Variants in CACNA1A observed in about 807,000 individuals in gnomAD.
CACNA1A encodes voltage-dependent P/Q-type calcium channel subunit alpha-1A.
CACNA1A carries 57 observed loss-of-function variants against 262.4 expected under a neutral mutation model. The ratio of observed to expected loss-of-function variants is 0.22; its 90% CI spans 0.18 to 0.27. The LOEUF (loss-of-function observed/expected upper bound fraction) is 0.27, where lower values mean the gene tolerates loss of function less well. CACNA1A is among the 10% of genes least tolerant of loss of function. The pLI, the probability that CACNA1A is intolerant of heterozygous loss-of-function variation, is 1.00. For missense variants in CACNA1A, 2,526 were observed against 3,562.8 expected (o/e 0.71, Z 7.41); for synonymous variants, 1,431 against 1,419.3 (o/e 1.01, Z -0.18).
At chr19:13,237,806 G>T (rs1468291081) in intron 31 of CACNA1A, among the ~76,000 whole-genome samples, 1 of 152,178 alleles carries the variant, frequency 6.6e-6, no homozygotes, top group South Asian at 2.1e-4. Context: ...GCTCCACCTG[G>T]GGATGGGGCC....
At chr19:13,341,135 G>A (rs753414053) in intron 6 of CACNA1A, among the ~76,000 whole-genome samples, 1 of 152,216 alleles carries the variant, frequency 6.6e-6, no homozygotes, top group African/African-American at 2.4e-5. Flanking sequence ...TGGGCACAGA[G>A]ACAACCTTGC....
chr19:13,261,790 A>C, intron 25 of CACNA1A, 180 bp from the exon 26 acceptor site: 1 of 590,190 alleles, frequency 1.7e-6, no homozygotes, highest in Non-Finnish European at 3.0e-6. Flanking sequence ...GAGGAGTTGG[A>C]CTCAATCCTG....
intron 1 of CACNA1A, among the ~76,000 whole-genome samples, chr19:13,481,433 G>A (rs1052424793): frequency 6.6e-5 from 10 of 151,920 alleles, no homozygotes; most frequent in Admixed American, 3.3e-4. Context: ...TTGCTCTTCC[G>A]TTCTCCATGG....
In CACNA1A at chr19:13,207,187, G is replaced by C; in HGVS notation, c.*126C>G. 1 of 1,054,766 alleles carries C rather than the reference G, an allele frequency of 9.5e-7. No individual in the cohort carries two copies. The highest frequency in any genetic ancestry group is 1.3e-6 in the Non-Finnish European group (1 of 781,148). 65.3% of individuals were successfully genotyped at this position (1,054,766 alleles called of 1,614,324 possible). ...CCCAGCCCTGGCCTCTCCAGAGTCT[G>C]GGGTCTCCCGGCTGGCCCTCTCCCG... On this transcript the variant is annotated 3_prime_UTR_variant, in exon 47 of 47. Coordinates refer to ENST00000360228, the MANE Select transcript of CACNA1A (RefSeq NM_001127222.2). The surrounding 1 kb of genome is among the most constrained non-coding windows in gnomAD (Gnocchi z 5.7).
intron 4 of CACNA1A, among the ~76,000 whole-genome samples, chr19:13,367,060 C>G (rs934262289): frequency 6.6e-6 from 1 of 152,006 alleles, no homozygotes; most frequent in Non-Finnish European, 1.5e-5. Context: ...TTTGGGAAGC[C>G]GAGGCCAGCG....
At chr19:13,490,462 G>T (rs1980624260) in intron 1 of CACNA1A, among the ~76,000 whole-genome samples, 1 of 152,108 alleles carries the variant, frequency 6.6e-6, no homozygotes, top group Non-Finnish European at 1.5e-5. Flanking sequence ...AATTAGCTGG[G>T]TGTGGTGGCG....
intron 38 of CACNA1A, among the ~76,000 whole-genome samples, chr19:13,221,234 C>CTTTCTTTTTCT (rs1555734435): frequency 5.5e-5 from 2 of 36,294 alleles, no homozygotes; most frequent in African/African-American, 3.0e-4. Flanking sequence ...TTCTTTCTTT[C>CTTTCTTTTTCT]TTTTTTTTTT....
At chr19:13,246,960 G>C (rs1468871305) in intron 30 of CACNA1A, among the ~76,000 whole-genome samples, 1 of 152,150 alleles carries the variant, frequency 6.6e-6, no homozygotes, top group Non-Finnish European at 1.5e-5. Flanking sequence ...ACTCCACATT[G>C]TTTGGAGAAC....
chr19:13,252,877 C>G, intron 30 of CACNA1A, 114 bp downstream of exon 30: 4 of 633,200 alleles, frequency 6.3e-6, no homozygotes. Context: ...GATACTGAAG[C>G]CACCCTTGAG....
chr19:13,330,151 C>T, intron 10 of CACNA1A, 93 bp downstream of exon 10: 1 of 828,588 alleles, frequency 1.2e-6, no homozygotes, highest in Non-Finnish European at 2.0e-6. Context: ...CAAATCCAGG[C>T]AGCACGGTTT....
At chr19:13,497,160 T>A (rs866243047) in intron 1 of CACNA1A, among the ~76,000 whole-genome samples, 9 of 151,964 alleles carry the variant, frequency 5.9e-5, no homozygotes, top group African/African-American at 2.2e-4. Flanking sequence ...AGCTAACCGG[T>A]TGACCCAGCC....
chr19:13,472,887 A>G (rs1568681904), intron 1 of CACNA1A, among the ~76,000 whole-genome samples: 1 of 152,188 alleles, frequency 6.6e-6, no homozygotes. Flanking sequence ...GTATAATTAA[A>G]TTAGAGATCT....
intron 34 of CACNA1A, among the ~76,000 whole-genome samples, chr19:13,232,917 C>T (rs754441689): frequency 4.0e-5 from 6 of 151,312 alleles, no homozygotes; most frequent in African/African-American, 7.3e-5. Context: ...GGCGTGGTGA[C>T]GGGCACCTAT....
Position 13,212,784 on chromosome 19 carries a change from G to T in CACNA1A, c.5941-44C>A. 3.1e-6 allele frequency: 3 copies of T among 963,064 alleles called. No homozygotes were observed. The highest frequency in any genetic ancestry group is 4.6e-6 in the Non-Finnish European group (3 of 657,084). 59.7% of individuals were successfully genotyped at this position (963,064 alleles called of 1,614,324 possible). A position where few individuals can be genotyped will look rare whatever the true frequency, so the allele number is the denominator to read the frequency against. On this transcript the variant is annotated intron_variant, in intron 40 of 46. Transcript: ENST00000360228. This position sits in a 1 kb window ranked among gnomAD's most constrained non-coding sequence, Gnocchi z 5.6. ...AGCAGTGTGTGGACAAGGGTGGGGT[G>T]GTGGGACGGTGGTACCCAGAAGGCA... is the stretch of plus-strand genomic sequence containing the variant.
chr19:13,491,907 G>A (rs116856586), intron 1 of CACNA1A, among the ~76,000 whole-genome samples: 1,989 of 152,224 alleles, frequency 0.013, 15 homozygotes, highest in Middle Eastern at 0.031. Context: ...GCACTGGGGA[G>A]GGAGGAGGCC....
At chr19:13,505,524 C>T (rs1982915887) in intron 1 of CACNA1A, among the ~76,000 whole-genome samples, 1 of 152,166 alleles carries the variant, frequency 6.6e-6, no homozygotes, top group Non-Finnish European at 1.5e-5. Flanking sequence ...CCAAGGCCCC[C>T]ATAGTTCCCC....
chr19:13,231,647 C>T, intron 35 of CACNA1A, 63 bp downstream of exon 35: 1 of 1,523,304 alleles, frequency 6.6e-7, no homozygotes, highest in Non-Finnish European at 8.9e-7. Context: ...CAGAAACCCA[C>T]TCCCCTGAAA....
intron 1 of CACNA1A, among the ~76,000 whole-genome samples, chr19:13,498,156 C>A (rs573931183): frequency 3.3e-5 from 5 of 151,894 alleles, no homozygotes; most frequent in Non-Finnish European, 7.4e-5. Context: ...TAATAAAGAT[C>A]ATGGAGATAA....
At chr19:13,481,616 A>G (rs776735666) in intron 1 of CACNA1A, among the ~76,000 whole-genome samples, 1 of 152,158 alleles carries the variant, frequency 6.6e-6, no homozygotes, top group African/African-American at 2.4e-5. Context: ...CGGCCAGTAC[A>G]GCTGGACCAG....
Sources: gnomAD v4.1 joint callset for allele counts (sites outside exome capture counted in the v4.1 genomes callset) on GRCh38, gnomAD v4.1.1 for gene constraint, Gnocchi (gnomAD v3.1) non-coding constraint, MANE v1.5 for transcripts, NCBI Gene and HGNC (gene_info 2026-07-23, HGNC 2026-07-21) for gene names.